The following ZNF544 variants were observed in gnomAD, a reference collection of about 807,000 sequenced individuals.
ZNF544 encodes the protein zinc finger protein AF020591.
Under a neutral mutation model 13.5 loss-of-function variants are expected in ZNF544, and 10 were observed. The observed-to-expected ratio is 0.74, with a 90% confidence interval of 0.46 to 1.25. The LOEUF (loss-of-function observed/expected upper bound fraction) is 1.25. ZNF544 is among the 50% of genes most tolerant of loss of function. The pLI is 0.00. For missense variants in ZNF544, 896 were observed against 845.6 expected (o/e 1.06, Z -0.74); for synonymous variants, 323 against 300.5 (o/e 1.07, Z -0.77).
At chr19:58,243,892 C>G in intron 3 of ZNF544, 73 bp from the exon 4 acceptor site, 2 of 1,298,544 alleles carry the variant, frequency 1.5e-6, no homozygotes, top group Non-Finnish European at 2.1e-6. Flanking sequence ...GCCCCGCGTT[C>G]TCTAGGGTGG....
At position 58,260,926 on chromosome 19, in the gene ZNF544, T is replaced by C. The variant is rs1265277827; in HGVS notation, c.320T>C (p.Val107Ala). ...DRAREELSHH[V>A]EVYRSGPEEP... ...GCTAGGGAAGAACTATCCCACCACG[T>C]GGAAGTGTACAGGAGTGGACCGGAG... is the stretch of plus-strand genomic sequence containing the variant. The change falls in exon 7 of 7, where the codon GTG becomes GCG. Residue 107 changes from valine to alanine, a missense_variant. Transcript: ENST00000687789. 3 of 1,613,890 alleles carry C rather than the reference T, an allele frequency of 1.9e-6. No individual in the cohort carries two copies. Among genetic ancestry groups the C allele is most frequent in the Non-Finnish European group, 2.5e-6 (3 of 1,180,008 alleles).
downstream of ZNF544, chr19:58,267,646 C>T (rs2050087722): frequency 7.3e-6 from 1 of 136,652 alleles, no homozygotes; most frequent in South Asian, 2.3e-4. Flanking sequence ...CCATTGCACT[C>T]CAGCCTGGGT....
chr19:58,244,020 G>A lies in ZNF544; in HGVS notation c.-4G>A. 3.1e-6 allele frequency: 5 copies of A among 1,608,462 alleles called. No homozygotes were observed. The highest frequency in any genetic ancestry group is 1.1e-5 in the South Asian group (1 of 89,792). ...ACAGCGGCCTCTTCAGGTGCAGGGAGGAAATGGAAGCACGTTCTATGCTGG... is the reference window on the plus strand; with the variant it reads ...ACAGCGGCCTCTTCAGGTGCAGGGAAGAAATGGAAGCACGTTCTATGCTGG... On this transcript the variant is annotated 5_prime_UTR_variant, in exon 4 of 7. Transcript: ENST00000687789.
At chr19:58,234,189 G>A (rs2041928844) in intron 3 of ZNF544, among the ~76,000 whole-genome samples, 1 of 152,158 alleles carries the variant, frequency 6.6e-6, no homozygotes, top group Non-Finnish European at 1.5e-5. Context: ...AAACTTGTAT[G>A]GGACTTTCTC....
chr19:58,246,956 G>T, intron 6 of ZNF544, 162 bp downstream of exon 6: 1 of 589,004 alleles, frequency 1.7e-6, no homozygotes, highest in South Asian at 2.3e-5. Context: ...CCAATTCGAA[G>T]TATGCAGTTC....
downstream of ZNF544, among the ~76,000 whole-genome samples, chr19:58,265,926 T>A (rs1600415258): frequency 6.6e-6 from 1 of 151,136 alleles, no homozygotes; most frequent in South Asian, 2.1e-4. Context: ...AATGGGAGGG[T>A]GAGCATGGTG....
At chr19:58,277,253 C>CG in exon 7 of ZNF544, 1 of 666,008 alleles carries the variant, frequency 1.5e-6, no homozygotes. Flanking sequence ...CCAGCTTGAG[C>CG]CCTCAGGAGT....
intron 4 of ZNF544, among the ~76,000 whole-genome samples, chr19:58,244,720 C>T (rs1037594199): frequency 2.0e-5 from 3 of 151,902 alleles, no homozygotes; most frequent in Admixed American, 2.0e-4. Flanking sequence ...GGACTACAGG[C>T]ATGCACCAGC....
At chr19:58,233,655 C>T (rs538131295) in intron 3 of ZNF544, among the ~76,000 whole-genome samples, 1 of 152,286 alleles carries the variant, frequency 6.6e-6, no homozygotes, top group Non-Finnish European at 1.5e-5. Flanking sequence ...GTACACAAGG[C>T]CCCTCCTATA....
intron 3 of ZNF544, among the ~76,000 whole-genome samples, chr19:58,236,644 A>AT (rs1293180026): frequency 2.6e-5 from 4 of 152,088 alleles, no homozygotes; most frequent in Non-Finnish European, 5.9e-5. Context: ...GACATCTTTC[A>AT]CAAGCCAGAC....
intron 4 of ZNF544, 78 bp downstream of exon 4, chr19:58,244,134 C>A: frequency 7.8e-7 from 1 of 1,279,502 alleles, no homozygotes; most frequent in Non-Finnish European, 1.1e-6. Flanking sequence ...CCCGCCCCTG[C>A]AGGCTGTCAC....
At chr19:58,267,907 G>A (rs1354529666), downstream of ZNF544, among the ~76,000 whole-genome samples, 1 of 150,428 alleles carries the variant, frequency 6.6e-6, no homozygotes, top group Non-Finnish European at 1.5e-5. Context: ...CGTGAACTCA[G>A]GAGAAGGAGC....
At chr19:58,264,670 A>G (rs980091088), downstream of ZNF544, among the ~76,000 whole-genome samples, 3 of 151,956 alleles carry the variant, frequency 2.0e-5, no homozygotes, top group Non-Finnish European at 4.4e-5. Flanking sequence ...TAGCTTGGGC[A>G]ACAGGGCAAG....
At position 58,243,955 on chromosome 19, in the gene ZNF544, T is replaced by C; in HGVS notation, c.-59-10T>C. On this transcript the variant is annotated splice_polypyrimidine_tract_variant and intron_variant, in intron 3 of 6. Transcript: ENST00000687789. ...CGAGGGGCTGAATCTCTGCTTGTTT[T>C]CCACCCCAGACTGGTCTTCTGAGGA... 2 of 1,545,494 alleles carry C rather than the reference T, an allele frequency of 1.3e-6. No individual in the cohort carries two copies. Among genetic ancestry groups the C allele is most frequent in the Non-Finnish European group, 1.7e-6 (2 of 1,142,994 alleles).
At chr19:58,256,317 C>A (rs1002850465) in intron 6 of ZNF544, among the ~76,000 whole-genome samples, 5 of 151,212 alleles carry the variant, frequency 3.3e-5, no homozygotes, top group Non-Finnish European at 7.4e-5. Flanking sequence ...TGTACCCAAG[C>A]GAGTTAAAAA....
chr19:58,239,700 C>G (rs2043156253), intron 3 of ZNF544, among the ~76,000 whole-genome samples: 1 of 152,122 alleles, frequency 6.6e-6, no homozygotes, highest in African/African-American at 2.4e-5. Context: ...GGAGTTTGAG[C>G]CCAGCCTGGC....
intron 3 of ZNF544, among the ~76,000 whole-genome samples, chr19:58,232,639 A>T (rs2041511313): frequency 1.3e-5 from 2 of 151,754 alleles, no homozygotes; most frequent in South Asian, 4.1e-4. Flanking sequence ...GCTAATAAAG[A>T]CATATCCGGG....
downstream of ZNF544, among the ~76,000 whole-genome samples, chr19:58,265,122 G>A (rs2049695527): frequency 6.6e-6 from 1 of 152,224 alleles, no homozygotes; most frequent in Non-Finnish European, 1.5e-5. Flanking sequence ...ATGTTAATAT[G>A]GAAAATACTT....
chr19:58,263,119 C>T lies in ZNF544; in HGVS notation c.*365C>T. The T allele has an allele frequency of 2.0e-6, 2 of 1,023,478 alleles. No individual in the cohort carries two copies. The highest frequency in any genetic ancestry group is 3.8e-5 in the South Asian group (1 of 26,140). 63.4% of individuals were successfully genotyped at this position (1,023,478 alleles called of 1,614,324 possible). ...TGTGGAAAAGCTTCCAGTTATGATA[C>T]TTTCCTTATTCAACATGAGAAAGCT... On this transcript the variant is annotated 3_prime_UTR_variant, in exon 7 of 7. Transcript: ENST00000687789.
Sources: gnomAD v4.1 joint callset for allele counts (sites outside exome capture counted in the v4.1 genomes callset) on GRCh38, gnomAD v4.1.1 for gene constraint, MANE v1.5 for transcripts, NCBI Gene and HGNC (gene_info 2026-07-23, HGNC 2026-07-21) for gene names.